The following MEGF11 variants were observed in gnomAD, a reference collection of about 807,000 sequenced individuals.
MEGF11 encodes multiple EGF like domains 11, also known as multiple epidermal growth factor-like domains protein 11.
Under a neutral mutation model 146.6 loss-of-function variants are expected in MEGF11, and 126 were observed. The ratio of observed to expected loss-of-function variants is 0.86; its 90% CI spans 0.74 to 1.00. The LOEUF (loss-of-function observed/expected upper bound fraction) is 1.00. Among genes scored for constraint, MEGF11 ranks in the 50% least tolerant of loss-of-function variants. The probability of loss-of-function intolerance (pLI) is 0.00; values close to 1 mark genes in which losing one functional copy is unlikely to be tolerated. For missense variants in MEGF11, 1,509 were observed against 1,521.2 expected, an observed-to-expected ratio of 0.99 and a Z score of 0.13; for synonymous variants, 532 against 583.4, an observed-to-expected ratio of 0.91 and a Z score of 1.27.
chr15:66,229,013 G>A (rs2091909434), intron 1 of MEGF11, among the ~76,000 whole-genome samples: 1 of 152,076 alleles, frequency 6.6e-6, no homozygotes, highest in Non-Finnish European at 1.5e-5. Flanking sequence ...TCAGGGTGCT[G>A]CACTACCCTT....
intron 7 of MEGF11, among the ~76,000 whole-genome samples, chr15:65,978,622 C>G (rs1227121934): frequency 1.3e-5 from 2 of 152,224 alleles, no homozygotes; most frequent in African/African-American, 4.8e-5. Flanking sequence ...CTTGTTCTCC[C>G]CACCACATCC....
intron 5 of MEGF11, among the ~76,000 whole-genome samples, chr15:66,009,281 C>T (rs1270096230): frequency 1.4e-5 from 2 of 140,858 alleles, no homozygotes; most frequent in Non-Finnish European, 3.0e-5. Context: ...CACATGAGTG[C>T]TATAAATTAC....
At chr15:65,918,999 G>A (rs2079090400) in intron 15 of MEGF11, among the ~76,000 whole-genome samples, 1 of 152,182 alleles carries the variant, frequency 6.6e-6, no homozygotes, top group African/African-American at 2.4e-5. Flanking sequence ...ATCCTGGAGA[G>A]CAGCACAGAG....
chr15:65,922,909 C>G lies in MEGF11; in HGVS notation c.1736G>C (p.Cys579Ser), dbSNP rs200465531. 10 of 1,613,210 alleles carry G rather than the reference C, an allele frequency of 6.2e-6. No individual in the cohort carries two copies. The African/African-American group carries it at 1.3e-4, about 22-fold the overall frequency. The change falls in exon 14 of 26, where the codon TGC (cysteine) becomes TCC (serine). Residue 579 changes from cysteine (C) to serine (S), a missense_variant. Coordinates refer to ENST00000395614, the MANE Select transcript of MEGF11 (RefSeq NM_001385028.1). ...GRWGPNCSVS[C>S]SCENGGSCSP... ...GCAGGAGCCTCCATTCTCACAGCTG[C>G]AGGAGACAGAGCAGTTGGGGCCCCA...
Position 65,964,914 on chromosome 15 carries a change from G to A in MEGF11, c.1106C>T (p.Thr369Ile), listed in dbSNP as rs267604295. The change falls in exon 9 of 26, where the codon ACC becomes ATC. Residue 369 changes from threonine to isoleucine, a missense_variant. Coordinates refer to ENST00000395614, the MANE Select transcript of MEGF11 (RefSeq NM_001385028.1). ...GCCCATTCCCAGCTCATACCTGATG[G>A]TGTTGTCAGCGTCACAGGGGCAGGG... is the stretch of plus-strand genomic sequence containing the variant. Reference protein sequence around the residue: ...TLPCPCDADNTISCHPVTGAC... With the variant: ...TLPCPCDADNIISCHPVTGAC... 6.4e-7 allele frequency: 1 copy of A among 1,562,050 alleles called. No homozygotes were observed.
Position 66,215,628 on chromosome 15 carries a change from G to C in MEGF11, c.-9+37977C>G, listed in dbSNP as rs948417538. Among the ~76,000 whole-genome samples, 8 of 152,314 alleles carry C rather than the reference G, an allele frequency of 5.3e-5. No individual in the cohort carries two copies. In the South Asian group the frequency reaches 1.2e-3, roughly 24 times the overall value. On this transcript the variant is annotated intron_variant, in intron 1 of 25. Coordinates refer to ENST00000395614, the MANE Select transcript of MEGF11 (RefSeq NM_001385028.1). ...CCTGGACCTCCCCACCCTCAAAAAT[G>C]AGGCATCAGCACAGGTTCGAGACAA... is the stretch of plus-strand genomic sequence containing the variant.
rs954373826 is a variant in MEGF11, at chr15:65,896,870, G to A, written c.*1064C>T. The stretch of plus-strand genomic sequence containing the variant: ...AGTCCATTCTTTTTTTGATCATTTA[G>A]TTCCATTAAAAAGCATAATGTACTT... On this transcript the variant is annotated 3_prime_UTR_variant, in exon 26 of 26. Coordinates refer to ENST00000395614, the MANE Select transcript of MEGF11 (RefSeq NM_001385028.1). 1 of 152,154 alleles carries A rather than the reference G, an allele frequency of 6.6e-6. No individual in the cohort carries two copies. The highest frequency in any genetic ancestry group is 2.4e-5 in the African/African-American group (1 of 41,450). 9.4% of individuals were successfully genotyped at this position (152,154 alleles called of 1,614,324 possible).
intron 4 of MEGF11, among the ~76,000 whole-genome samples, chr15:66,107,057 C>CA (rs1178845207): frequency 1.0e-4 from 14 of 140,406 alleles, no homozygotes; most frequent in Admixed American, 9.7e-4. Flanking sequence ...TATTCCTACC[C>CA]CCCCACCAGG....
intron 1 of MEGF11, among the ~76,000 whole-genome samples, chr15:66,151,210 C>T (rs1247495301): frequency 6.6e-6 from 1 of 152,150 alleles, no homozygotes; most frequent in East Asian, 1.9e-4. Flanking sequence ...AAGCCCTGAC[C>T]AAAGTCCCCA....
At chr15:66,110,287 C>T (rs2087323704) in intron 4 of MEGF11, among the ~76,000 whole-genome samples, 1 of 152,202 alleles carries the variant, frequency 6.6e-6, no homozygotes, top group Admixed American at 6.5e-5. Flanking sequence ...TTTCTCATTG[C>T]AAATGAATTA....
At chr15:65,915,726 G>A (rs2078975161) in intron 18 of MEGF11, 128 bp from the exon 19 acceptor site, 3 of 1,199,058 alleles carry the variant, frequency 2.5e-6, no homozygotes, top group African/African-American at 3.0e-5. Flanking sequence ...CTTAGCTCCT[G>A]TTGAGGAGCA....
chr15:66,173,095 G>A lies in MEGF11; in HGVS notation c.-8-44684C>T, dbSNP rs149990927. On this transcript the variant is annotated intron_variant, in intron 1 of 25. Coordinates refer to ENST00000395614, the MANE Select transcript of MEGF11 (RefSeq NM_001385028.1). The stretch of plus-strand genomic sequence containing the variant: ...TCCTCCACAGCACGTTCCAGATGTC[G>A]GGGACATCCGTCTTTCAGTGGCTCT... 2.3e-3 allele frequency among the ~76,000 whole-genome samples: 351 copies of A among 152,222 alleles called. 4 individuals carry two copies. The highest frequency in any genetic ancestry group is 0.013 in the East Asian group (69 of 5,180).
intron 1 of MEGF11, 29 bp from the exon 2 acceptor site, chr15:66,128,440 C>T (rs1425236104): frequency 2.2e-6 from 3 of 1,336,942 alleles, no homozygotes; most frequent in Admixed American, 3.3e-5. Flanking sequence ...GAGGCTGCGT[C>T]TGTGATCAGA....
intron 8 of MEGF11, among the ~76,000 whole-genome samples, chr15:65,965,600 C>CTT (rs767520450): frequency 5.8e-4 from 11 of 18,884 alleles, no homozygotes; most frequent in African/African-American, 2.0e-3. Context: ...TTCTTTCTTT[C>CTT]TTTTTTTTTT....
chr15:66,000,049 T>C (rs333546), intron 5 of MEGF11, among the ~76,000 whole-genome samples: 152,097 of 152,302 alleles, frequency 1, 75,946 homozygotes, highest in Middle Eastern at 1. Context: ...TGAAGGCCAC[T>C]GCCTCAGTTA....
At chr15:66,163,699 C>T (rs1330837581) in intron 1 of MEGF11, among the ~76,000 whole-genome samples, 2 of 152,296 alleles carry the variant, frequency 1.3e-5, no homozygotes, top group Non-Finnish European at 2.9e-5. Context: ...GGATTTACAG[C>T]CTCCCTCCTG....
intron 5 of MEGF11, among the ~76,000 whole-genome samples, chr15:66,001,257 GTCTA>G (rs1415499346): frequency 2.0e-5 from 3 of 152,126 alleles, no homozygotes; most frequent in African/African-American, 7.2e-5. Flanking sequence ...GTTTCTCTGT[GTCTA>G]TTCTATGCAG....
chr15:66,177,708 A>G (rs2090428130), intron 1 of MEGF11, among the ~76,000 whole-genome samples: 1 of 147,390 alleles, frequency 6.8e-6, no homozygotes, highest in Non-Finnish European at 1.5e-5. Flanking sequence ...TCTTTGAGAC[A>G]GGGTCTCACT....
At position 65,922,377 on chromosome 15, in the gene MEGF11, C is replaced by T. The variant is rs764487794; in HGVS notation, c.1918G>A (p.Glu640Lys). The change falls in exon 15 of 26, where the codon GAG becomes AAG. Residue 640 changes from glutamate to lysine, a missense_variant. By Grantham distance (56) the Glu-to-Lys change is moderately conservative. Transcript: ENST00000395614. ...RPCHHISGIC[E>K]CLPGFSGALC... ...GCTCCAGAGAATCCTGGGAGGCACT[C>T]ACAGATGCCGCTGATGTGGTGGCAG... 1.2e-6 allele frequency: 2 copies of T among 1,603,880 alleles called. No individual in the cohort carries two copies. Among genetic ancestry groups the T allele is most frequent in the East Asian group, 2.3e-5 (1 of 44,440 alleles).
Sources: gnomAD v4.1 joint callset for allele counts (sites outside exome capture counted in the v4.1 genomes callset) on GRCh38, gnomAD v4.1.1 for gene constraint, MANE v1.5 for transcripts, NCBI Gene and HGNC (gene_info 2026-07-23, HGNC 2026-07-21) for gene names.